C3orf70: variants seen among roughly 807,000 people sequenced by gnomAD.
C3orf70 encodes the protein chromosome 3 open reading frame 70.
Under a neutral mutation model 20.7 loss-of-function variants are expected in C3orf70, and 15 were observed. The ratio of observed to expected loss-of-function variants is 0.72; its 90% confidence interval spans 0.48 to 1.11. C3orf70 has a LOEUF of 1.11. C3orf70 is among the 50% of genes most tolerant of loss of function. The pLI is 0.00. For synonymous variants in C3orf70, 161 were observed against 125.7 expected (o/e 1.28, Z -1.88); for missense variants, 332 against 317.6 (o/e 1.05, Z -0.34).
chr3:185,083,403 G>C lies in C3orf70; in HGVS notation c.357C>G (p.Asp119Glu), dbSNP rs1291965526. 2 of 1,614,042 alleles carry C rather than the reference G, an allele frequency of 1.2e-6. No individual in the cohort carries two copies. Among genetic ancestry groups the C allele is most frequent in the South Asian group, 1.1e-5 (1 of 91,068 alleles). Reference protein sequence around the residue: ...ASVFQPPLPPDSPRYCMISDL... With the variant: ...ASVFQPPLPPESPRYCMISDL... ...CTGAAATCATACAGTACCTCGGTGA[G>C]TCAGGGGGAAGGGGAGGCTGGAAGA... Residue 119 changes from aspartate (D) to glutamate (E), a missense_variant, in exon 2 of 2, where the codon GAC becomes GAG. Coordinates refer to ENST00000335012, the MANE Select transcript of C3orf70 (RefSeq NM_001025266.3).
intron 1 of C3orf70, among the ~76,000 whole-genome samples, chr3:185,119,046 C>A (rs948188119): frequency 6.6e-6 from 1 of 152,134 alleles, no homozygotes; most frequent in African/African-American, 2.4e-5. Context: ...TGATCTATCC[C>A]TTCAGAGTTT....
At chr3:185,093,812 G>T (rs1414467658) in intron 1 of C3orf70, among the ~76,000 whole-genome samples, 1 of 152,044 alleles carries the variant, frequency 6.6e-6, no homozygotes, top group African/African-American at 2.4e-5. Context: ...GAGGGATGGT[G>T]AGGTGACTGG....
At chr3:185,110,640 C>T (rs1009802579) in intron 1 of C3orf70, among the ~76,000 whole-genome samples, 1 of 152,166 alleles carries the variant, frequency 6.6e-6, no homozygotes, top group African/African-American at 2.4e-5. Context: ...GGCCATAACG[C>T]CCATGCTGGA....
At chr3:185,140,142 A>G (rs920343874) in intron 1 of C3orf70, among the ~76,000 whole-genome samples, 2 of 152,230 alleles carry the variant, frequency 1.3e-5, no homozygotes, top group African/African-American at 4.8e-5. Context: ...TGGGAATACT[A>G]TATTTCCAAT....
chr3:185,082,985 C>T lies in C3orf70; in HGVS notation c.*22G>A. 6.2e-7 allele frequency: 1 copy of T among 1,603,412 alleles called. No homozygotes were observed. Among genetic ancestry groups the T allele is most frequent in the Non-Finnish European group, 8.5e-7 (1 of 1,174,282 alleles). On this transcript the variant is annotated 3_prime_UTR_variant, in exon 2 of 2. Transcript: ENST00000335012. ...ACAAAAGCTCGGCGTGGGTCCGAGGCTGTGGCTTCCTGTCTGGACTCTCAC... is the reference window on the plus strand; with the variant it reads ...ACAAAAGCTCGGCGTGGGTCCGAGGTTGTGGCTTCCTGTCTGGACTCTCAC...
At position 185,083,007 on chromosome 3, in the gene C3orf70, TCA is replaced by T; in HGVS notation, c.751_752del (p.Ter251ArgfsTer49). 6.2e-7 allele frequency: 1 copy of T among 1,612,542 alleles called. No homozygotes were observed. Among genetic ancestry groups the T allele is most frequent in the East Asian group, 2.2e-5 (1 of 44,856 alleles). On this transcript the variant is annotated frameshift_variant and stop_lost, in exon 2 of 2. Transcript: ENST00000335012. LOFTEE classifies it high-confidence loss of function. ...EVIETIETTV* is the reference protein window; with the variant it reads ...EVIETIETTVX ...AGGCTGTGGCTTCCTGTCTGGACTC[TCA>T]CACAGTCGTTTCTATCGTTTCAATC... is the stretch of plus-strand genomic sequence containing the variant.
At chr3:185,128,229 A>G (rs577979552) in intron 1 of C3orf70, among the ~76,000 whole-genome samples, 1 of 152,334 alleles carries the variant, frequency 6.6e-6, no homozygotes, top group East Asian at 1.9e-4. Flanking sequence ...CAAAACCACC[A>G]GGTAAAAAGT....
chr3:185,106,494 G>C (rs578140755), intron 1 of C3orf70, among the ~76,000 whole-genome samples: 1 of 152,214 alleles, frequency 6.6e-6, no homozygotes, highest in Non-Finnish European at 1.5e-5. Flanking sequence ...GGGAAAAAAA[G>C]AAAACTGCTG....
chr3:185,090,555 ATGAG>A (rs1715544939), intron 1 of C3orf70, among the ~76,000 whole-genome samples: 1 of 152,214 alleles, frequency 6.6e-6, no homozygotes, highest in Non-Finnish European at 1.5e-5. Flanking sequence ...CTGAAAAAAA[ATGAG>A]TGGCCTGAGG....
At chr3:185,131,845 T>G (rs1044697237) in intron 1 of C3orf70, among the ~76,000 whole-genome samples, 9 of 152,214 alleles carry the variant, frequency 5.9e-5, no homozygotes, top group African/African-American at 2.2e-4. Flanking sequence ...AGCTTAAGGC[T>G]TCCTACAGAT....
chr3:185,150,475 G>A (rs1430560618), intron 1 of C3orf70, among the ~76,000 whole-genome samples: 2 of 151,962 alleles, frequency 1.3e-5, no homozygotes, highest in Non-Finnish European at 2.9e-5. Context: ...AGATATCTAA[G>A]GGATCAGTAC....
At chr3:185,146,275 C>CTTTTTTTTT (rs1431009979) in intron 1 of C3orf70, among the ~76,000 whole-genome samples, 1 of 114,400 alleles carries the variant, frequency 8.7e-6, no homozygotes, top group African/African-American at 3.3e-5. Flanking sequence ...TTACAACTCT[C>CTTTTTTTTT]ATTTTTTTTT....
At position 185,083,075 on chromosome 3, in the gene C3orf70, C is replaced by G. The variant is rs760133055; in HGVS notation, c.685G>C (p.Glu229Gln). The G allele has an allele frequency of 3.7e-6, 6 of 1,614,152 alleles. No homozygotes were observed. The highest frequency in any genetic ancestry group is 5.1e-6 in the Non-Finnish European group (6 of 1,180,038). ...TGCGAGGGGGAGAGAAGGGTGCACTCATCCGGTTCCCAGCTGCTCTCTGGA... is the reference window on the plus strand; with the variant it reads ...TGCGAGGGGGAGAGAAGGGTGCACTGATCCGGTTCCCAGCTGCTCTCTGGA... ...YSPESSWEPD[E>Q]CTLLSPSQSD... Residue 229 changes from glutamate (E) to glutamine (Q), a missense_variant, in exon 2 of 2, where the codon GAG (glutamate) becomes CAG (glutamine). By Grantham distance (29) the Glu-to-Gln change is conservative. Transcript: ENST00000335012.
rs115662119 is a variant in C3orf70 at position 185,152,283 on chromosome 3, T to C, written c.196+345A>G. 8.7e-3 allele frequency among the ~76,000 whole-genome samples: 1,331 copies of C among 152,138 alleles called. 21 individuals are homozygous for C. Among genetic ancestry groups the C allele is most frequent in the African/African-American group, 0.031 (1,280 of 41,506 alleles). On this transcript the variant is annotated intron_variant, in intron 1 of 1. Coordinates refer to ENST00000335012, the MANE Select transcript of C3orf70 (RefSeq NM_001025266.3). ...GCCAACTCAGCTGGCTCGCTCCCAT[T>C]TCTCAAAACACCGCCTGGACGCCTT...
Position 185,082,672 on chromosome 3 carries a change from T to G in C3orf70, c.*335A>C. ...CCGAGAAAACACCGGCTCCTTCCCT[T>G]TCGGTACCTCCTCAATCTGATCCAA... On this transcript the variant is annotated 3_prime_UTR_variant, in exon 2 of 2. Coordinates refer to ENST00000335012, the MANE Select transcript of C3orf70 (RefSeq NM_001025266.3). The G allele has an allele frequency of 4.1e-6, 1 of 241,614 alleles. No homozygotes were observed. Among genetic ancestry groups the G allele is most frequent in the East Asian group, 9.7e-5 (1 of 10,272 alleles). 15.0% of individuals were successfully genotyped at this position (241,614 alleles called of 1,614,324 possible). A position where few individuals can be genotyped will look rare whatever the true frequency, so the allele number is the denominator to read the frequency against.
Position 185,152,918 on chromosome 3 carries a change from G to T in C3orf70, c.-95C>A. 1 of 1,220,542 alleles carries T rather than the reference G, an allele frequency of 8.2e-7. No individual in the cohort carries two copies. Among genetic ancestry groups the T allele is most frequent in the Non-Finnish European group, 1.1e-6 (1 of 929,878 alleles). 75.6% of individuals were successfully genotyped at this position (1,220,542 alleles called of 1,614,324 possible). A position where few individuals can be genotyped will look rare whatever the true frequency, so the allele number is the denominator to read the frequency against. ...GAGCCGGCTGCGGACGCGGGAGGGC[G>T]CGGCACGGGCCGGGAGTCACGCCAG... On this transcript the variant is annotated 5_prime_UTR_variant, in exon 1 of 2. Transcript: ENST00000335012.
At chr3:185,105,461 C>A (rs190901134) in intron 1 of C3orf70, among the ~76,000 whole-genome samples, 2 of 152,386 alleles carry the variant, frequency 1.3e-5, no homozygotes, top group African/African-American at 4.8e-5. Flanking sequence ...ACTAGCCCAA[C>A]CTATTCCTTT....
chr3:185,137,165 G>A (rs1481708342), intron 1 of C3orf70, among the ~76,000 whole-genome samples: 1 of 152,132 alleles, frequency 6.6e-6, no homozygotes, highest in African/African-American at 2.4e-5. Context: ...GTTATAAAAA[G>A]GGGAGTTTCC....
intron 1 of C3orf70, among the ~76,000 whole-genome samples, chr3:185,131,408 G>T (rs546839580): frequency 4.3e-4 from 65 of 152,270 alleles, no homozygotes; most frequent in African/African-American, 1.5e-3. Context: ...GAGTTTGCCT[G>T]AAGTCTGATA....
Sources: allele counts gnomAD v4.1 joint callset (sites outside exome capture counted in the v4.1 genomes callset), GRCh38; gene constraint gnomAD v4.1.1; transcripts MANE v1.5; gene names NCBI Gene and HGNC (gene_info 2026-07-23, HGNC 2026-07-21).